Variants in DGCR2 observed in about 807,000 individuals in gnomAD.
The protein encoded by DGCR2 is integral membrane protein DGCR2/IDD.
Under a neutral mutation model 51.6 loss-of-function variants are expected in DGCR2, and 24 were observed. The observed-to-expected ratio is 0.47, with a 90% CI of 0.34 to 0.65. The LOEUF (loss-of-function observed/expected upper bound fraction) is 0.65, where lower values mean the gene tolerates loss of function less well. Ranked by LOEUF, DGCR2 falls within the 30% of genes least tolerant of loss-of-function variation. The pLI is 0.01. For synonymous variants in DGCR2, 340 were observed against 315.4 expected, an observed-to-expected ratio of 1.08 and a Z score of -0.82; for missense variants, 765 against 772.1, an observed-to-expected ratio of 0.99 and a Z score of 0.11.
chr22:19,090,393 C>T (rs182816912), intron 1 of DGCR2, among the ~76,000 whole-genome samples: 69 of 152,214 alleles, frequency 4.5e-4, no homozygotes, highest in African/African-American at 1.6e-3. Context: ...AATTGAATTG[C>T]TTAAAATCAG....
chr22:19,088,816 G>A (rs1323489630), intron 2 of DGCR2, among the ~76,000 whole-genome samples: 1 of 152,202 alleles, frequency 6.6e-6, no homozygotes, highest in African/African-American at 2.4e-5. Context: ...CCTTGAGGGT[G>A]CTGAGGCAGA....
intron 1 of DGCR2, 129 bp downstream of exon 1, chr22:19,121,999 C>T: frequency 1.9e-6 from 1 of 519,894 alleles, no homozygotes; most frequent in Non-Finnish European, 2.8e-6. Flanking sequence ...GGCCCGCGAG[C>T]CAGGCCCCGC....
At chr22:19,054,101 C>G (rs550060028) in intron 6 of DGCR2, among the ~76,000 whole-genome samples, 1 of 152,324 alleles carries the variant, frequency 6.6e-6, no homozygotes, top group South Asian at 2.1e-4. Context: ...ATTGGAACGA[C>G]TGATAAAACT....
At chr22:19,048,225 A>G in intron 7 of DGCR2, 6 of 597,714 alleles carry the variant, frequency 1.0e-5, no homozygotes, top group Non-Finnish European at 1.8e-5. Flanking sequence ...TCACCCCAGA[A>G]TGGGAAGGAG....
chr22:19,111,285 G>A (rs957812743), intron 1 of DGCR2, among the ~76,000 whole-genome samples: 1 of 152,150 alleles, frequency 6.6e-6, no homozygotes, highest in African/African-American at 2.4e-5. Flanking sequence ...ACAAGATGCT[G>A]GTGCAGTCAG....
intron 2 of DGCR2, among the ~76,000 whole-genome samples, chr22:19,069,889 A>G (rs2525030): frequency 6.6e-6 from 1 of 152,204 alleles, no homozygotes; most frequent in Non-Finnish European, 1.5e-5. Flanking sequence ...ACTAAAATAT[A>G]AAATATGCTA....
chr22:19,039,126 AG>A lies in DGCR2; in HGVS notation c.1397-6del, dbSNP rs1452875195. ...CAGGCTCAAAAGCATCATCGTCTGC[AG>A]GAAGAGACAGAGGGGTGTCAGAGGC... On this transcript the variant is annotated splice_region_variant and splice_polypyrimidine_tract_variant and intron_variant, in intron 9 of 9. Transcript: ENST00000263196. The A allele has an allele frequency of 3.7e-6, 6 of 1,612,694 alleles. No homozygotes were observed. In the African/African-American group the frequency reaches 6.7e-5, roughly 18 times the overall value.
In DGCR2 at chr22:19,057,050, G is replaced by T; in HGVS notation, c.738C>A (p.His246Gln). 2 of 1,598,460 alleles carry T rather than the reference G, an allele frequency of 1.3e-6. No individual in the cohort carries two copies. Among genetic ancestry groups the T allele is most frequent in the South Asian group, 2.3e-5 (2 of 88,214 alleles). Residue 246 changes from histidine (H) to glutamine (Q), a missense_variant, in exon 6 of 10, where the codon CAC becomes CAA. Physicochemically the swap from His to Gln is conservative, Grantham distance 24 (BLOSUM62 0). This residue lies in a region of DGCR2 where 190 missense variants were observed against 265.2 expected (regional missense o/e 0.72). Transcript: ENST00000263196. The surrounding 1 kb of genome is among the most constrained non-coding windows in gnomAD (Gnocchi z 5.1). ...LQCFHFPTLR[H>Q]HDLHSWHAES... ...CGGCGTGCCAGCTGTGGAGGTCGTG[G>T]TGCCGCAGGGTGGGGAAATGGAAGC... is the stretch of plus-strand genomic sequence containing the variant.
At chr22:19,041,764 G>A (rs997779167) in intron 8 of DGCR2, 43 bp downstream of exon 8, 1 of 1,592,870 alleles carries the variant, frequency 6.3e-7, no homozygotes, top group Non-Finnish European at 8.5e-7. Flanking sequence ...GTGACCTGGG[G>A]TGGGGATGGG....
chr22:19,050,230 C>G (rs755631963), intron 6 of DGCR2, among the ~76,000 whole-genome samples: 5 of 152,126 alleles, frequency 3.3e-5, no homozygotes, highest in Non-Finnish European at 5.9e-5. Flanking sequence ...CGAAAAGCAG[C>G]AAATGGGACG....
chr22:19,081,763 G>T (rs771364437), intron 2 of DGCR2, among the ~76,000 whole-genome samples: 1 of 152,074 alleles, frequency 6.6e-6, no homozygotes, highest in Non-Finnish European at 1.5e-5. Flanking sequence ...TTCCAGAGTG[G>T]GTGTAAAGAA....
intron 1 of DGCR2, among the ~76,000 whole-genome samples, chr22:19,099,276 A>C (rs1189206782): frequency 2.0e-5 from 3 of 152,200 alleles, no homozygotes; most frequent in Non-Finnish European, 4.4e-5. Context: ...CTTTAGCTGG[A>C]CATCAACACT....
chr22:19,079,220 T>C (rs181489276), intron 2 of DGCR2, among the ~76,000 whole-genome samples: 147 of 152,310 alleles, frequency 9.7e-4, no homozygotes, highest in African/African-American at 3.4e-3. Context: ...TCCAAAACTC[T>C]TGAGTGCCAA....
At chr22:19,084,331 C>T (rs1418885175) in intron 2 of DGCR2, among the ~76,000 whole-genome samples, 15 of 151,860 alleles carry the variant, frequency 9.9e-5, no homozygotes, top group East Asian at 2.0e-4. Flanking sequence ...TCTGCCCCGC[C>T]GCCCCGTCTG....
intron 2 of DGCR2, among the ~76,000 whole-genome samples, chr22:19,082,982 G>T (rs1182360851): frequency 1.3e-5 from 2 of 151,424 alleles, no homozygotes; most frequent in African/African-American, 2.4e-5. Context: ...AGCTACTCCG[G>T]AGACTGAGGT....
At chr22:19,039,754 T>C (rs1002240417) in intron 9 of DGCR2, among the ~76,000 whole-genome samples, 16 of 152,278 alleles carry the variant, frequency 1.1e-4, no homozygotes, top group Middle Eastern at 3.4e-3. Context: ...TCTTAAAAGA[T>C]TGCACACTGG....
chr22:19,046,727 A>G (rs2012929), intron 7 of DGCR2: 197,625 of 428,658 alleles, frequency 0.46, 48,233 homozygotes, highest in African/African-American at 0.67. Context: ...GCCACAGGGC[A>G]GGCAGAGCAG....
intron 1 of DGCR2, among the ~76,000 whole-genome samples, chr22:19,113,676 A>T (rs2083341850): frequency 6.6e-6 from 1 of 152,226 alleles, no homozygotes; most frequent in Admixed American, 6.5e-5. Context: ...TCCCATCCTG[A>T]AAAGGCCAGG....
chr22:19,065,038 G>A lies in DGCR2; in HGVS notation c.358C>T (p.His120Tyr). 1 of 1,614,020 alleles carries A rather than the reference G, an allele frequency of 6.2e-7. No individual in the cohort carries two copies. Among genetic ancestry groups the A allele is most frequent in the Non-Finnish European group, 8.5e-7 (1 of 1,180,036 alleles). The change falls in exon 4 of 10, where the codon CAC (histidine) becomes TAC (tyrosine). Residue 120 changes from histidine to tyrosine, a missense_variant. His to Tyr is a moderately conservative substitution (Grantham distance 83). Around this residue, in one of 3 missense-constraint regions of DGCR2, gnomAD observed 370 missense variants for 325.5 expected, o/e 1.14. Coordinates refer to ENST00000263196, the MANE Select transcript of DGCR2 (RefSeq NM_005137.3). ...CAGCTGGCCGTGCCTTCGTAGTGGTGCCACCCTGTCGGGCACTTCCCTAGG... is the reference window on the plus strand; with the variant it reads ...CAGCTGGCCGTGCCTTCGTAGTGGTACCACCCTGTCGGGCACTTCCCTAGG... ...SFLGKCPTGW[H>Y]HYEGTASCYR... is the part of the protein sequence containing the mutation.
Sources: gnomAD v4.1 joint callset for allele counts (sites outside exome capture counted in the v4.1 genomes callset) on GRCh38, gnomAD v4.1.1 for gene constraint, gnomAD v4.1.1 regional missense constraint, Gnocchi (gnomAD v3.1) non-coding constraint, MANE v1.5 for transcripts, NCBI Gene and HGNC (gene_info 2026-07-23, HGNC 2026-07-21) for gene names.